CHST11: variants seen among roughly 807,000 people sequenced by gnomAD.
CHST11 encodes the protein carbohydrate sulfotransferase 11.
CHST11 carries 9 observed loss-of-function variants against 30.4 expected under a neutral mutation model. That is an observed-to-expected ratio of 0.30 (90% CI 0.18 to 0.52). The LOEUF (loss-of-function observed/expected upper bound fraction) is 0.52, where lower values mean the gene tolerates loss of function less well. Among genes scored for constraint, CHST11 ranks in the 20% least tolerant of loss-of-function variants. The pLI is 0.97. For synonymous variants in CHST11, 152 were observed against 187.8 expected (o/e 0.81, Z 1.56); for missense variants, 348 against 460.6 (o/e 0.76, Z 2.24).
intron 1 of CHST11, among the ~76,000 whole-genome samples, chr12:104,491,664 G>C (rs1005586757): frequency 2.6e-5 from 4 of 151,944 alleles, no homozygotes; most frequent in African/African-American, 9.7e-5. Flanking sequence ...TTTCAATAGA[G>C]ACAGTGTCTT....
At chr12:104,671,996 C>A (rs1169709158) in intron 2 of CHST11, among the ~76,000 whole-genome samples, 1 of 152,170 alleles carries the variant, frequency 6.6e-6, no homozygotes, top group Non-Finnish European at 1.5e-5. Context: ...AGGCAGCATT[C>A]CTTCTGACCC....
At chr12:104,727,783 ACGAG>A (rs1335386730) in intron 2 of CHST11, among the ~76,000 whole-genome samples, 4 of 152,238 alleles carry the variant, frequency 2.6e-5, no homozygotes, top group African/African-American at 7.2e-5. Flanking sequence ...AAAATGGCAA[ACGAG>A]CTCCTTGAGC....
chr12:104,575,701 G>T (rs940888420), intron 1 of CHST11, among the ~76,000 whole-genome samples: 6 of 152,040 alleles, frequency 3.9e-5, no homozygotes, highest in African/African-American at 1.2e-4. Context: ...CCAGCTGTCA[G>T]GGTAAAGGAT....
At chr12:104,720,877 C>T (rs1237681591) in intron 2 of CHST11, among the ~76,000 whole-genome samples, 3 of 152,192 alleles carry the variant, frequency 2.0e-5, no homozygotes, top group South Asian at 2.1e-4. Flanking sequence ...TTATAGACGC[C>T]GTTCACCTCT....
intron 1 of CHST11, among the ~76,000 whole-genome samples, chr12:104,554,947 G>A (rs1213494948): frequency 1.3e-5 from 2 of 152,198 alleles, no homozygotes; most frequent in African/African-American, 2.4e-5. Flanking sequence ...TGGTGGGGAG[G>A]TATGTTACTG....
intron 2 of CHST11, among the ~76,000 whole-genome samples, chr12:104,707,164 C>T (rs573181666): frequency 2.0e-5 from 3 of 152,304 alleles, no homozygotes; most frequent in Non-Finnish European, 2.9e-5. Context: ...TCATTTTCTC[C>T]GTTAGAATGA....
At chr12:104,626,157 G>A (rs969648428) in intron 2 of CHST11, among the ~76,000 whole-genome samples, 19 of 152,050 alleles carry the variant, frequency 1.2e-4, no homozygotes, top group African/African-American at 4.4e-4. Flanking sequence ...ATTAGCTGTG[G>A]GTTCCTTTTA....
At chr12:104,718,359 G>T (rs942294567) in intron 2 of CHST11, among the ~76,000 whole-genome samples, 1 of 151,960 alleles carries the variant, frequency 6.6e-6, no homozygotes, top group African/African-American at 2.4e-5. Flanking sequence ...TACCATTCAC[G>T]CACATTGTTC....
In CHST11 at chr12:104,571,009, T is replaced by TGATATCATCAG. The variant is rs530240417; in HGVS notation, c.119-30888_119-30887insAGGATATCATC. ...CCCAGCGCACTGTGCTTTTCCTGAA[T>TGATATCATCAG]GATATCATCTAATAATTCTCAAAAC... is the stretch of plus-strand genomic sequence containing the variant. On this transcript the variant is annotated intron_variant, in intron 1 of 2. Coordinates refer to ENST00000303694, the MANE Select transcript of CHST11 (RefSeq NM_018413.6). Among the ~76,000 whole-genome samples, 302 of 152,058 alleles carry TGATATCATCAG rather than the reference T, an allele frequency of 2.0e-3. 3 individuals carry two copies. The highest frequency in any genetic ancestry group is 6.2e-3 in the African/African-American group (256 of 41,512).
chr12:104,590,353 C>T (rs760238356), intron 1 of CHST11, among the ~76,000 whole-genome samples: 2 of 152,194 alleles, frequency 1.3e-5, no homozygotes, highest in East Asian at 1.9e-4. Flanking sequence ...ATAAGTACCT[C>T]GGATGACTCT....
intron 2 of CHST11, among the ~76,000 whole-genome samples, chr12:104,603,727 C>G (rs2038977893): frequency 6.6e-6 from 1 of 152,140 alleles, no homozygotes; most frequent in Non-Finnish European, 1.5e-5. Flanking sequence ...ATATCAGAAG[C>G]CTTGACTTAG....
Position 104,474,690 on chromosome 12 carries a change from A to AT in CHST11, c.118+17163dup, listed in dbSNP as rs149863362. Among the ~76,000 whole-genome samples, 246 of 149,290 alleles carry AT rather than the reference A, an allele frequency of 1.6e-3. 4 individuals are homozygous for AT. The East Asian group carries it at 0.047, about 28-fold the overall frequency. On this transcript the variant is annotated intron_variant, in intron 1 of 2. Transcript: ENST00000303694. ...GGAATGGATTAGGAACACAGAGGTCATTGCTGAGTGTTCGATCTGTTATAA... is the reference window on the plus strand; with the variant it reads ...GGAATGGATTAGGAACACAGAGGTCATTTGCTGAGTGTTCGATCTGTTATAA...
intron 1 of CHST11, among the ~76,000 whole-genome samples, chr12:104,560,523 G>A (rs1268649114): frequency 6.6e-6 from 1 of 152,164 alleles, no homozygotes; most frequent in African/African-American, 2.4e-5. Context: ...TGAGATAGGG[G>A]TGGGAAGAGA....
intron 2 of CHST11, among the ~76,000 whole-genome samples, chr12:104,711,504 A>G (rs1207732199): frequency 3.3e-5 from 5 of 152,120 alleles, no homozygotes; most frequent in African/African-American, 7.2e-5. Flanking sequence ...CGATTTCCCA[A>G]TTAATCTTGG....
intron 2 of CHST11, among the ~76,000 whole-genome samples, chr12:104,738,228 G>T (rs1283357853): frequency 6.6e-6 from 1 of 152,138 alleles, no homozygotes; most frequent in Non-Finnish European, 1.5e-5. Flanking sequence ...TAAAGCCTGT[G>T]CAGGGACAGC....
chr12:104,707,779 A>G (rs565896964), intron 2 of CHST11, among the ~76,000 whole-genome samples: 2 of 152,344 alleles, frequency 1.3e-5, no homozygotes, highest in Admixed American at 6.5e-5. Flanking sequence ...CATGTATCAT[A>G]TATACCCACT....
rs1451481696 is a variant in CHST11 at position 104,481,787 on chromosome 12, C to A, written c.118+24258C>A. Among the ~76,000 whole-genome samples the A allele has an allele frequency of 2.7e-5, 4 of 149,960 alleles. 1 individual carries two copies. The highest frequency in any genetic ancestry group is 6.4e-3 in the Middle Eastern group (2 of 314). On this transcript the variant is annotated intron_variant, in intron 1 of 2. Coordinates refer to ENST00000303694, the MANE Select transcript of CHST11 (RefSeq NM_018413.6). Reference sequence around the variant, plus strand: ...GGACTGTTTCCTTCCTTCTTTCCTTCCTTCCTTCCTTCCTTCCTCTCTCCC... The same window carrying A: ...GGACTGTTTCCTTCCTTCTTTCCTTACTTCCTTCCTTCCTTCCTCTCTCCC...
At position 104,606,712 on chromosome 12, in the gene CHST11, G is replaced by C. The variant is rs544375591; in HGVS notation, c.204+4721G>C. On this transcript the variant is annotated intron_variant, in intron 2 of 2. Coordinates refer to ENST00000303694, the MANE Select transcript of CHST11 (RefSeq NM_018413.6). ...GAGACCTGAGGTATGCTCAGGACCA[G>C]TTGCAAAATTCACAAAAGCAGGGGC... Among the ~76,000 whole-genome samples the C allele has an allele frequency of 1.3e-4, 20 of 152,302 alleles. No individual in the cohort carries two copies. In the East Asian group the frequency reaches 3.1e-3, roughly 23 times the overall value.
chr12:104,654,100 T>G (rs1387171873), intron 2 of CHST11, among the ~76,000 whole-genome samples: 1 of 152,154 alleles, frequency 6.6e-6, no homozygotes, highest in Admixed American at 6.5e-5. Context: ...ACCTCCTATG[T>G]GCTAGGTGCC....
Sources: allele counts gnomAD v4.1 joint callset (sites outside exome capture counted in the v4.1 genomes callset), GRCh38; gene constraint gnomAD v4.1.1; transcripts MANE v1.5; gene names NCBI Gene and HGNC (gene_info 2026-07-23, HGNC 2026-07-21).